MANBA: variants seen among roughly 807,000 people sequenced by gnomAD.
MANBA encodes mannosidase beta.
Under a neutral mutation model 111.1 loss-of-function variants are expected in MANBA, and 83 were observed. The ratio of observed to expected loss-of-function variants is 0.75; its 90% CI spans 0.63 to 0.90. The LOEUF (loss-of-function observed/expected upper bound fraction) is 0.90, where lower values mean the gene tolerates loss of function less well. MANBA is among the 40% of genes least tolerant of loss of function. The pLI is 0.00. For synonymous variants in MANBA, 370 were observed against 378.7 expected, an observed-to-expected ratio of 0.98 and a Z score of 0.27; for missense variants, 1,036 against 1,069.0, an observed-to-expected ratio of 0.97 and a Z score of 0.43.
intron 4 of MANBA, among the ~76,000 whole-genome samples, chr4:102,720,099 C>T (rs923565713): frequency 1.3e-5 from 2 of 152,124 alleles, no homozygotes; most frequent in Non-Finnish European, 2.9e-5. Flanking sequence ...AGTAACTTTT[C>T]ACATTAGGAT....
chr4:102,736,768 A>G (rs1035268330), intron 1 of MANBA, among the ~76,000 whole-genome samples: 1 of 152,220 alleles, frequency 6.6e-6, no homozygotes, highest in African/African-American at 2.4e-5. Flanking sequence ...GGAGACTCAC[A>G]CTGTGAATTT....
At chr4:102,751,057 T>C (rs1467045411) in intron 1 of MANBA, among the ~76,000 whole-genome samples, 1 of 152,250 alleles carries the variant, frequency 6.6e-6, no homozygotes, top group Non-Finnish European at 1.5e-5. Flanking sequence ...TCTATTTTAC[T>C]ATTTGTTTGA....
chr4:102,734,686 C>G, intron 1 of MANBA: 9 of 1,038,260 alleles, frequency 8.7e-6, no homozygotes, highest in Non-Finnish European at 1.3e-5. Flanking sequence ...AATCTATATC[C>G]TGTTCCCCCT....
chr4:102,638,078 TG>T (rs1329981617), intron 14 of MANBA, among the ~76,000 whole-genome samples: 1 of 152,162 alleles, frequency 6.6e-6, no homozygotes. Flanking sequence ...CCCATATATT[TG>T]GTCACAGAAG....
chr4:102,740,509 C>T (rs1025735339), intron 1 of MANBA, among the ~76,000 whole-genome samples: 1 of 152,090 alleles, frequency 6.6e-6, no homozygotes, highest in African/African-American at 2.4e-5. Context: ...GCAAAAAGAA[C>T]AAATCCTGAG....
intron 5 of MANBA, among the ~76,000 whole-genome samples, chr4:102,709,442 A>AGG (rs1158464822): frequency 6.6e-6 from 1 of 151,686 alleles, no homozygotes; most frequent in African/African-American, 2.4e-5. Flanking sequence ...AGAGAAAGGA[A>AGG]GGAAGGAAGG....
Position 102,664,761 on chromosome 4 carries a change from C to T in MANBA, c.1409G>A (p.Ser470Asn). Residue 470 changes from serine to asparagine, a missense_variant, in exon 11 of 17, where the codon AGT becomes AAT. Coordinates refer to ENST00000647097, the MANE Select transcript of MANBA (RefSeq NM_005908.4). The stretch of plus-strand genomic sequence containing the variant: ...GATGTAGATTGGCCGGTCAGTGAAA[C>T]TGATATGATACCAATTCATCATCAG... ...EALMMNWYHI[S>N]FTDRPIYIKD... The T allele has an allele frequency of 6.2e-7, 1 of 1,611,748 alleles. No homozygotes were observed. The highest frequency in any genetic ancestry group is 8.5e-7 in the Non-Finnish European group (1 of 1,177,766).
At chr4:102,697,354 T>C (rs539564136) in intron 5 of MANBA, among the ~76,000 whole-genome samples, 10 of 152,218 alleles carry the variant, frequency 6.6e-5, no homozygotes, top group Non-Finnish European at 1.0e-4. Flanking sequence ...TATTTTATTT[T>C]ATTTTTTTAT....
chr4:102,704,052 G>A (rs1325822460), intron 5 of MANBA, among the ~76,000 whole-genome samples: 4 of 151,634 alleles, frequency 2.6e-5, no homozygotes, highest in African/African-American at 7.3e-5. Context: ...CCAAGATCGC[G>A]CCACTGCACT....
chr4:102,703,197 C>A (rs78146345), intron 5 of MANBA, among the ~76,000 whole-genome samples: 4,228 of 152,312 alleles, frequency 0.028, 138 homozygotes, highest in African/African-American at 0.078. Context: ...GTGGAATAAT[C>A]ATAGCTCGCT....
In MANBA at chr4:102,657,230, G is replaced by GGGC. The variant is rs1560752421; in HGVS notation, c.1704+451_1704+452insGCC. 1.5e-4 allele frequency among the ~76,000 whole-genome samples: 17 copies of GGGC among 111,992 alleles called. 2 individuals are homozygous for GGGC. The highest frequency in any genetic ancestry group is 3.4e-4 in the East Asian group (1 of 2,978). 73.5% of individuals were successfully genotyped at this position (111,992 alleles called of 152,430 possible). On this transcript the variant is annotated intron_variant, in intron 12 of 16. Transcript: ENST00000647097. ...GAGAGAGAGGAGTGGGGTGGGGGGG[G>GGGC]GGTGGGCGGTGGTAATGGAATAGGA...
At chr4:102,695,819 T>C (rs1732682242) in intron 5 of MANBA, among the ~76,000 whole-genome samples, 1 of 152,196 alleles carries the variant, frequency 6.6e-6, no homozygotes, top group Non-Finnish European at 1.5e-5. Flanking sequence ...GCAAAGGTAC[T>C]TTTTGCCTTT....
chr4:102,688,386 TAC>T (rs70937563), intron 7 of MANBA, among the ~76,000 whole-genome samples: 20,522 of 140,342 alleles, frequency 0.15, 2,324 homozygotes, highest in African/African-American at 0.32. Flanking sequence ...CCTCCCCCCT[TAC>T]ACACACACAC....
chr4:102,744,259 A>T (rs1007235167), intron 1 of MANBA, among the ~76,000 whole-genome samples: 1 of 152,246 alleles, frequency 6.6e-6, no homozygotes, highest in East Asian at 1.9e-4. Context: ...ATACCACTGG[A>T]CCCCTAGAAA....
At chr4:102,727,501 A>G in intron 1 of MANBA, 1 of 1,542,690 alleles carries the variant, frequency 6.5e-7, no homozygotes. Flanking sequence ...GAGTCTTCTC[A>G]CATCATTATT....
chr4:102,706,509 C>T (rs1428700868), intron 5 of MANBA, among the ~76,000 whole-genome samples: 2 of 152,078 alleles, frequency 1.3e-5, no homozygotes, highest in African/African-American at 2.4e-5. Flanking sequence ...GGTTGTTATA[C>T]CAGATGCGTG....
In MANBA at chr4:102,729,349, T is replaced by C. The variant is rs552329400; in HGVS notation, c.178-2666A>G. 12 of 758,060 alleles carry C rather than the reference T, an allele frequency of 1.6e-5. No individual in the cohort carries two copies. In the African/African-American group the frequency reaches 1.9e-4, roughly 12 times the overall value. The allele number at this position is 758,060 out of a possible 1,614,324, so 47.0% of individuals were successfully genotyped here. A position where few individuals can be genotyped will look rare whatever the true frequency, so the allele number is the denominator to read the frequency against. On this transcript the variant is annotated intron_variant, in intron 1 of 16. Coordinates refer to ENST00000647097, the MANE Select transcript of MANBA (RefSeq NM_005908.4). The stretch of plus-strand genomic sequence containing the variant: ...CTGGTACATGCTCTCAGCCTTGGCC[T>C]GGCTGCAGTTGGCGATCTCCTCGTA...
chr4:102,716,208 C>T (rs1359758344), intron 4 of MANBA, among the ~76,000 whole-genome samples: 1 of 148,846 alleles, frequency 6.7e-6, no homozygotes, highest in Non-Finnish European at 1.5e-5. Flanking sequence ...ACTCAAGAGG[C>T]TCAGGCAGGA....
At chr4:102,688,295 GCACACA>G (rs112932815) in intron 7 of MANBA, among the ~76,000 whole-genome samples, 12 of 146,428 alleles carry the variant, frequency 8.2e-5, no homozygotes, top group Non-Finnish European at 1.4e-4. Context: ...GCGTGCGCGC[GCACACA>G]CACACACACA....
Sources: gnomAD v4.1 joint callset for allele counts (sites outside exome capture counted in the v4.1 genomes callset) on GRCh38, gnomAD v4.1.1 for gene constraint, MANE v1.5 for transcripts, NCBI Gene and HGNC (gene_info 2026-07-23, HGNC 2026-07-21) for gene names.